WNT5B: variants seen among roughly 807,000 people sequenced by gnomAD.
The protein encoded by WNT5B is protein Wnt-5b.
In WNT5B, 18 loss-of-function variants were observed where a neutral mutation model predicts 36.5. The observed-to-expected ratio is 0.49, with a 90% CI of 0.34 to 0.73. The LOEUF (loss-of-function observed/expected upper bound fraction) is 0.73, where lower values mean the gene tolerates loss of function less well. Ranked by LOEUF, WNT5B falls within the 30% of genes least tolerant of loss-of-function variation. The pLI is 0.01. For synonymous variants in WNT5B, 213 were observed against 212.3 expected (o/e 1.00, Z -0.03); for missense variants, 424 against 508.4 (o/e 0.83, Z 1.60).
upstream of WNT5B, among the ~76,000 whole-genome samples, chr12:1,626,646 G>T (rs1446501071): frequency 6.7e-6 from 1 of 148,802 alleles, no homozygotes; most frequent in East Asian, 2.0e-4. Flanking sequence ...CCCACTGCAC[G>T]CTCCGCCTCC....
chr12:1,626,624 G>A (rs900317658), upstream of WNT5B, among the ~76,000 whole-genome samples: 58 of 151,078 alleles, frequency 3.8e-4, no homozygotes, highest in Admixed American at 7.9e-4. Context: ...GAGTGCAGTG[G>A]CACGATCTTG....
At chr12:1,623,472 G>A (rs1056661628) in intron 1 of WNT5B, among the ~76,000 whole-genome samples, 7 of 152,106 alleles carry the variant, frequency 4.6e-5, no homozygotes, top group African/African-American at 1.7e-4. Context: ...TGGGATTACA[G>A]GCTTGAGCCA....
At chr12:1,639,654 C>CG in intron 3 of WNT5B, 30 bp from the exon 4 acceptor site, 1 of 1,475,968 alleles carries the variant, frequency 6.8e-7, no homozygotes, top group Non-Finnish European at 8.9e-7. Flanking sequence ...GGAGAGCGCA[C>CG]CCGCTTACCG....
intron 1 of WNT5B, among the ~76,000 whole-genome samples, chr12:1,623,226 C>G (rs567019289): frequency 1.5e-4 from 14 of 94,052 alleles, no homozygotes; most frequent in Admixed American, 3.0e-4. Context: ...GACGGAGTCT[C>G]GCTCTTTAGC....
chr12:1,644,460 C>T lies in WNT5B; in HGVS notation c.622-1334C>T, dbSNP rs2094581583. Reference sequence around the variant, plus strand: ...CCACCATAAAATAGTGGGAATAATTCCGTACCAGAAAAAACTCAGGAAGAC... The same window carrying T: ...CCACCATAAAATAGTGGGAATAATTTCGTACCAGAAAAAACTCAGGAAGAC... On this transcript the variant is annotated intron_variant, in intron 4 of 4. Transcript: ENST00000397196. The surrounding 1 kb of genome is among the most constrained non-coding windows in gnomAD (Gnocchi z 5.1). 6.6e-6 allele frequency among the ~76,000 whole-genome samples: 1 copy of T among 152,194 alleles called. No homozygotes were observed. Among genetic ancestry groups the T allele is most frequent in the African/African-American group, 2.4e-5 (1 of 41,446 alleles).
rs1382199313 is a variant in WNT5B, at chr12:1,632,585, A to AT, written c.81-72dup. ...CGCATTCAATAAATGTGTTGAATGA[A>AT]TGACTTAATGCTGCACACAGGCGTA... On this transcript the variant is annotated intron_variant, in intron 2 of 4. Coordinates refer to ENST00000397196, the MANE Select transcript of WNT5B (RefSeq NM_032642.3). This position sits in a 1 kb window ranked among gnomAD's most constrained non-coding sequence, Gnocchi z 5.8. The AT allele has an allele frequency of 9.2e-6, 14 of 1,515,478 alleles. No homozygotes were observed. The South Asian group carries it at 1.7e-4, about 18-fold the overall frequency. 93.9% of individuals were successfully genotyped at this position (1,515,478 alleles called of 1,614,324 possible).
intron 1 of WNT5B, among the ~76,000 whole-genome samples, chr12:1,619,910 G>T (rs1343546501): frequency 1.3e-5 from 2 of 151,734 alleles, no homozygotes; most frequent in African/African-American, 4.8e-5. Context: ...TGAGTATGAG[G>T]ATCTTCTTTT....
chr12:1,628,919 T>G (rs1328272383), upstream of WNT5B, among the ~76,000 whole-genome samples: 2 of 150,536 alleles, frequency 1.3e-5, no homozygotes, highest in African/African-American at 2.4e-5. Flanking sequence ...GGTGTGTGTG[T>G]TGTGTGTGTG....
At chr12:1,625,963 T>G (rs1304696062), upstream of WNT5B, among the ~76,000 whole-genome samples, 1 of 149,834 alleles carries the variant, frequency 6.7e-6, no homozygotes, top group Non-Finnish European at 1.5e-5. Context: ...GCACCCTGCC[T>G]GTTTTTTTTC....
Position 1,646,011 on chromosome 12 carries a change from A to G in WNT5B, c.839A>G (p.Tyr280Cys), listed in dbSNP as rs760795270. The G allele has an allele frequency of 7.4e-6, 12 of 1,612,386 alleles. No homozygotes were observed. The highest frequency in any genetic ancestry group is 1.3e-5 in the African/African-American group (1 of 74,932). ...CAGCCCACCCCGGAGGACCTGGTCTATGTGGACCCCAGCCCCGACTACTGC... is the reference window on the plus strand; with the variant it reads ...CAGCCCACCCCGGAGGACCTGGTCTGTGTGGACCCCAGCCCCGACTACTGC... The part of the protein sequence containing the change: ...FTQPTPEDLV[Y>C]VDPSPDYCLR... The change falls in exon 5 of 5, where the codon TAT becomes TGT. Residue 280 changes from tyrosine to cysteine, a missense_variant. Tyr to Cys is a radical substitution (Grantham distance 194). Transcript: ENST00000397196.
At chr12:1,635,096 T>C (rs1413744082) in intron 3 of WNT5B, among the ~76,000 whole-genome samples, 1 of 152,224 alleles carries the variant, frequency 6.6e-6, no homozygotes, top group African/African-American at 2.4e-5. Flanking sequence ...CTTAGTAGGC[T>C]TACCCAAGGG....
rs1287294665 is a variant in WNT5B at position 1,633,648 on chromosome 12, C to T, written c.328+743C>T. Among the ~76,000 whole-genome samples the T allele has an allele frequency of 1.3e-5, 2 of 152,084 alleles. No individual in the cohort carries two copies. The highest frequency in any genetic ancestry group is 2.9e-5 in the Non-Finnish European group (2 of 68,006). On this transcript the variant is annotated intron_variant, in intron 3 of 4. Transcript: ENST00000397196. The surrounding 1 kb of genome is among the most constrained non-coding windows in gnomAD (Gnocchi z 4.8). Reference sequence around the variant, plus strand: ...CTCTCTGGCAAGAAATTGAGAAATCCGGCCCTATTCTACTGGGTCTTATCC... The same window carrying T: ...CTCTCTGGCAAGAAATTGAGAAATCTGGCCCTATTCTACTGGGTCTTATCC...
Position 1,639,847 on chromosome 12 carries a change from CGTGGAGTA to C in WNT5B, c.493_500del (p.Val165ArgfsTer44). ...GGCTGTGGGGCGGCTGTGGGGACAACGTGGAGTACGGCTACCGCTTCGCCAAGGAGTTT... is the reference window on the plus strand; with the variant it reads ...GGCTGTGGGGCGGCTGTGGGGACAACCGGCTACCGCTTCGCCAAGGAGTTT... On this transcript the variant is annotated frameshift_variant, in exon 4 of 5. Transcript: ENST00000397196. LOFTEE classifies it high-confidence loss of function. 1 of 1,613,962 alleles carries C rather than the reference CGTGGAGTA, an allele frequency of 6.2e-7. No individual in the cohort carries two copies. The highest frequency in any genetic ancestry group is 8.5e-7 in the Non-Finnish European group (1 of 1,179,918).
intron 1 of WNT5B, among the ~76,000 whole-genome samples, chr12:1,623,386 G>C (rs986689113): frequency 3.3e-5 from 5 of 151,160 alleles, no homozygotes; most frequent in African/African-American, 4.9e-5. Flanking sequence ...TAGTAGAGAT[G>C]AGGTTTCACC....
chr12:1,625,844 A>ACAAAAC, upstream of WNT5B, among the ~76,000 whole-genome samples: 1 of 151,914 alleles, frequency 6.6e-6, no homozygotes, highest in South Asian at 2.1e-4. Flanking sequence ...TTGTATTTTT[A>ACAAAAC]GTAGAGATAG....
At position 1,623,187 on chromosome 12, in the gene WNT5B, G is replaced by GTTGTTTTTTTT. The variant is rs1555156806; in HGVS notation, c.-58+6046_-58+6047insGTTTTTTTTTT. Among the ~76,000 whole-genome samples, 28 of 58,380 alleles carry GTTGTTTTTTTT rather than the reference G, an allele frequency of 4.8e-4. 2 individuals are homozygous for GTTGTTTTTTTT. The highest frequency in any genetic ancestry group is 1.9e-3 in the African/African-American group (27 of 13,900). The allele number at this position is 58,380 out of a possible 152,430, so 38.3% of individuals were successfully genotyped here. A position where few individuals can be genotyped will look rare whatever the true frequency, so the allele number is the denominator to read the frequency against. The stretch of plus-strand genomic sequence containing the variant: ...GGAAACCTTTGAAGGGTTTTTTGTT[G>GTTGTTTTTTTT]TTTTTTTTTTTTTTTTTTTTTTTTT... On this transcript the variant is annotated intron_variant, in intron 1 of 4. Transcript: ENST00000310594.
intron 3 of WNT5B, among the ~76,000 whole-genome samples, chr12:1,639,304 AT>A (rs1223872397): frequency 3.3e-5 from 5 of 151,360 alleles, no homozygotes; most frequent in African/African-American, 1.2e-4. Flanking sequence ...CGCCCGGCTA[AT>A]TTTTTGTATT....
At chr12:1,642,524 G>C (rs558200899) in intron 4 of WNT5B, among the ~76,000 whole-genome samples, 5 of 152,304 alleles carry the variant, frequency 3.3e-5, no homozygotes, top group Non-Finnish European at 7.3e-5. Flanking sequence ...TGTATGTGCT[G>C]TATGTGGGTG....
In WNT5B at chr12:1,646,450, T is replaced by C. The variant is rs2154439960; in HGVS notation, c.*198T>C. 1 of 380,066 alleles carries C rather than the reference T, an allele frequency of 2.6e-6. No homozygotes were observed. Among genetic ancestry groups the C allele is most frequent in the South Asian group, 8.9e-5 (1 of 11,192 alleles). The allele number at this position is 380,066 out of a possible 1,614,324, so 23.5% of individuals were successfully genotyped here. A position where few individuals can be genotyped will look rare whatever the true frequency, so the allele number is the denominator to read the frequency against. On this transcript the variant is annotated 3_prime_UTR_variant, in exon 5 of 5. Transcript: ENST00000397196. ...AGTGGACTTTGCTGGTTCTCTCCTC[T>C]TGGTGGGTGGGAGACAGGGCTTTTT...
Sources: gnomAD v4.1 joint callset for allele counts (sites outside exome capture counted in the v4.1 genomes callset) on GRCh38, gnomAD v4.1.1 for gene constraint, Gnocchi (gnomAD v3.1) non-coding constraint, MANE v1.5 for transcripts, NCBI Gene and HGNC (gene_info 2026-07-23, HGNC 2026-07-21) for gene names.